PPP1CC: variants seen among roughly 807,000 people sequenced by gnomAD.
PPP1CC encodes protein phosphatase 1 catalytic subunit gamma.
Under a neutral mutation model 38.4 loss-of-function variants are expected in PPP1CC, and 16 were observed. The ratio of observed to expected loss-of-function variants is 0.42; its 90% CI spans 0.28 to 0.63. The LOEUF is 0.63. PPP1CC is among the 30% of genes least tolerant of loss of function. The pLI is 0.25. For missense variants in PPP1CC, 170 were observed against 391.3 expected (o/e 0.43, Z 4.77); for synonymous variants, 158 against 136.0 (o/e 1.16, Z -1.13).
At chr12:110,710,912 T>C in the PPP1CC span, among the ~76,000 whole-genome samples, 1 of 151,518 alleles carries the variant, frequency 6.6e-6, no homozygotes, top group African/African-American at 2.4e-5. Flanking sequence ...ATGGCTGACG[T>C]CTGTAATCCC....
intron 1 of PPP1CC, among the ~76,000 whole-genome samples, chr12:110,735,989 C>T (rs2069939609): frequency 6.6e-6 from 1 of 151,916 alleles, no homozygotes; most frequent in African/African-American, 2.4e-5. Context: ...CGCTGGAACC[C>T]ACGGGGCAGG....
downstream of PPP1CC, among the ~76,000 whole-genome samples, chr12:110,719,043 A>G (rs2069711113): frequency 6.6e-6 from 1 of 152,140 alleles, no homozygotes; most frequent in African/African-American, 2.4e-5. Context: ...GAGCAGCCCA[A>G]TTTTACTTTA....
At chr12:110,742,511 G>A (rs2070029694) in intron 1 of PPP1CC, 142 bp downstream of exon 1, 4 of 651,024 alleles carry the variant, frequency 6.1e-6, no homozygotes, top group Non-Finnish European at 9.1e-6. Context: ...TGCAGTCCCC[G>A]GCCCGTGGGC....
chr12:110,719,455 G>A (rs1450509305), downstream of PPP1CC, among the ~76,000 whole-genome samples: 2 of 152,146 alleles, frequency 1.3e-5, no homozygotes, highest in African/African-American at 4.8e-5. Flanking sequence ...GTACCTTTGA[G>A]AAATTAAGAT....
At chr12:110,732,395 C>CAA (rs35138959) in intron 1 of PPP1CC, 25 of 139,620 alleles carry the variant, frequency 1.8e-4, no homozygotes, top group Admixed American at 1.5e-3. Flanking sequence ...GACTCCGTCT[C>CAA]AAAAAAAAAA....
rs777677299 is a variant in PPP1CC at position 110,731,777 on chromosome 12, T to C, written c.180A>G (p.Lys60=). 3.1e-6 allele frequency: 5 copies of C among 1,608,304 alleles called. No individual in the cohort carries two copies. Among genetic ancestry groups the C allele is most frequent in the Non-Finnish European group, 4.3e-6 (5 of 1,175,410 alleles). ...TGTGTGCCCCAAACTTACCACATAT[T>C]TTGAGTGGTGCTTCAAGTTCTAGTA... ...PILLELEAPL[K]ICGDIHGQYY... The change falls in exon 2 of 7, where the codon AAA becomes AAG. Residue 60 remains lysine (K), a synonymous_variant. Transcript: ENST00000335007.
intron 2 of PPP1CC, 71 bp from the exon 3 acceptor site, chr12:110,730,830 G>C (rs575455000): frequency 1.1e-5 from 11 of 1,035,950 alleles, no homozygotes; most frequent in South Asian, 9.7e-5. Context: ...GCTTTGGAAA[G>C]ACATTCTTTA....
chr12:110,726,523 C>G (rs2069801367), intron 3 of PPP1CC: 2 of 152,174 alleles, frequency 1.3e-5, no homozygotes, highest in Non-Finnish European at 2.9e-5. Context: ...CCAGCATGGG[C>G]AACAAGAGTG....
downstream of PPP1CC, among the ~76,000 whole-genome samples, chr12:110,716,934 G>A (rs555633784): frequency 5.9e-5 from 9 of 152,302 alleles, no homozygotes; most frequent in South Asian, 4.1e-4. Context: ...TATTTGAGTC[G>A]TAGGCTGAAG....
At chr12:110,721,350 G>A (rs578064763) in intron 6 of PPP1CC, 185 bp from the exon 7 acceptor site, 3 of 511,880 alleles carry the variant, frequency 5.9e-6, no homozygotes, top group East Asian at 3.3e-5. Context: ...ACGCTATGAC[G>A]AACAGATAAA....
chr12:110,727,827 A>G (rs1299954591), intron 3 of PPP1CC, among the ~76,000 whole-genome samples: 1 of 152,184 alleles, frequency 6.6e-6, no homozygotes, highest in East Asian at 1.9e-4. Context: ...AGTAGACTGG[A>G]TGGCAAATTA....
At position 110,720,191 on chromosome 12, in the gene PPP1CC, C is replaced by G. The variant is rs754096507; in HGVS notation, c.*885G>C. On this transcript the variant is annotated 3_prime_UTR_variant, in exon 7 of 7. Transcript: ENST00000335007. ...TTGAAGCTTTCTGAATGGACGGGTT[C>G]AGGCCTGATGCAACTGTAAAAAGAT... 1.9e-6 allele frequency: 3 copies of G among 1,552,544 alleles called. No homozygotes were observed. In the African/African-American group the frequency reaches 4.1e-5, roughly 21 times the overall value.
intron 1 of PPP1CC, among the ~76,000 whole-genome samples, chr12:110,737,745 G>C (rs928538817): frequency 3.3e-5 from 5 of 151,402 alleles, no homozygotes; most frequent in African/African-American, 1.2e-4. Flanking sequence ...AGGAGTTAAA[G>C]AACAGCCTAG....
Position 110,742,723 on chromosome 12 carries a change from G to A in PPP1CC, c.-16C>T. On this transcript the variant is annotated 5_prime_UTR_variant, in exon 1 of 7. Coordinates refer to ENST00000335007, the MANE Select transcript of PPP1CC (RefSeq NM_002710.4). Reference sequence around the variant, plus strand: ...AATCCGCCATCGCCTTCCCACCGCCGACCCTCCCGCAGCGGCGCCGCCGCC... The same window carrying A: ...AATCCGCCATCGCCTTCCCACCGCCAACCCTCCCGCAGCGGCGCCGCCGCC... The A allele has an allele frequency of 1.4e-6, 2 of 1,416,482 alleles. No individual in the cohort carries two copies. Among genetic ancestry groups the A allele is most frequent in the South Asian group, 1.6e-5 (1 of 61,238 alleles). 87.7% of individuals were successfully genotyped at this position (1,416,482 alleles called of 1,614,324 possible).
downstream of PPP1CC, among the ~76,000 whole-genome samples, chr12:110,716,543 G>C (rs964425870): frequency 1.3e-5 from 2 of 152,020 alleles, no homozygotes; most frequent in South Asian, 2.1e-4. Flanking sequence ...AATGGAGACA[G>C]GATTTCACCA....
At position 110,730,873 on chromosome 12, in the gene PPP1CC, T is replaced by C. The variant is rs998879735; in HGVS notation, c.188-114A>G. 9 of 678,592 alleles carry C rather than the reference T, an allele frequency of 1.3e-5. No individual in the cohort carries two copies. The African/African-American group carries it at 1.4e-4, about 11-fold the overall frequency. The allele number at this position is 678,592 out of a possible 1,614,324, so 42.0% of individuals were successfully genotyped here. On this transcript the variant is annotated intron_variant, in intron 2 of 6. Coordinates refer to ENST00000335007, the MANE Select transcript of PPP1CC (RefSeq NM_002710.4). ...ATTGTACAATGGCATTGACCTCTAG[T>C]AATGAGAGTTTAACTGGGCAGCCAA...
At chr12:110,725,206 C>G (rs1187276236) in intron 3 of PPP1CC, 1 of 152,738 alleles carries the variant, frequency 6.5e-6, no homozygotes, top group Non-Finnish European at 1.5e-5. Context: ...TTAAGGACTG[C>G]CATCAAATCC....
At chr12:110,714,915 G>A (rs774899013), downstream of PPP1CC, among the ~76,000 whole-genome samples, 2 of 149,966 alleles carry the variant, frequency 1.3e-5, no homozygotes, top group Admixed American at 6.7e-5. Context: ...GCTGGTGAAT[G>A]AGCAAAGCCC....
downstream of PPP1CC, among the ~76,000 whole-genome samples, chr12:110,715,839 T>C (rs910481816): frequency 2.6e-5 from 4 of 152,190 alleles, no homozygotes; most frequent in Non-Finnish European, 2.9e-5. Context: ...CAGTCTGGTC[T>C]TGAACTCCTG....
Sources: gnomAD v4.1 joint callset for allele counts (sites outside exome capture counted in the v4.1 genomes callset) on GRCh38, gnomAD v4.1.1 for gene constraint, MANE v1.5 for transcripts, NCBI Gene and HGNC (gene_info 2026-07-23, HGNC 2026-07-21) for gene names.